The following SH3RF2 variants were observed in gnomAD, a reference collection of about 807,000 sequenced individuals.
The protein encoded by SH3RF2 is E3 ubiquitin-protein ligase SH3RF2.
A neutral mutation model predicts 59.0 loss-of-function variants in SH3RF2; 43 were observed. The observed-to-expected ratio is 0.73, with a 90% confidence interval of 0.57 to 0.94. The LOEUF (loss-of-function observed/expected upper bound fraction) is 0.94. Among genes scored for constraint, SH3RF2 ranks in the 40% least tolerant of loss-of-function variants. SH3RF2 has a pLI of 0.00. For missense variants in SH3RF2, 930 were observed against 940.1 expected, an observed-to-expected ratio of 0.99 and a Z score of 0.14; for synonymous variants, 391 against 391.5, an observed-to-expected ratio of 1.00 and a Z score of 0.01.
chr5:145,996,018 G>T (rs1580830646), intron 2 of SH3RF2, among the ~76,000 whole-genome samples: 1 of 152,236 alleles, frequency 6.6e-6, no homozygotes, highest in African/African-American at 2.4e-5. Context: ...TTGCTCATTT[G>T]TCCACCAGTT....
chr5:146,003,543 T>G (rs1424675211), intron 3 of SH3RF2, among the ~76,000 whole-genome samples: 1 of 152,230 alleles, frequency 6.6e-6, no homozygotes, highest in Non-Finnish European at 1.5e-5. Flanking sequence ...GGTAAAATAT[T>G]TTCCTTGTTT....
At chr5:146,034,368 G>A (rs1387816450) in intron 5 of SH3RF2, among the ~76,000 whole-genome samples, 1 of 152,152 alleles carries the variant, frequency 6.6e-6, no homozygotes, top group Admixed American at 6.5e-5. Flanking sequence ...TGGGACCTCG[G>A]GGCAGGGATG....
chr5:146,080,484 T>C (rs1363994957), exon 10 of SH3RF2: 2 of 152,208 alleles, frequency 1.3e-5, no homozygotes, highest in Admixed American at 1.3e-4. Context: ...TGGAATATTG[T>C]ATAAATAAAC....
intron 5 of SH3RF2, among the ~76,000 whole-genome samples, chr5:146,016,150 A>C (rs1211066278): frequency 2.0e-5 from 3 of 152,196 alleles, no homozygotes; most frequent in Admixed American, 6.5e-5. Flanking sequence ...CTTAGGGAAG[A>C]CTTGAGAAAG....
intron 8 of SH3RF2, 168 bp downstream of exon 8, chr5:146,056,381 C>G (rs1762673034): frequency 1.7e-6 from 2 of 1,197,854 alleles, no homozygotes; most frequent in Non-Finnish European, 2.3e-6. Flanking sequence ...TGAAGTCATA[C>G]CAACTCAAGG....
At chr5:146,007,620 T>G (rs1045628421) in intron 4 of SH3RF2, among the ~76,000 whole-genome samples, 1 of 152,162 alleles carries the variant, frequency 6.6e-6, no homozygotes, top group East Asian at 1.9e-4. Flanking sequence ...AAGGCACCAG[T>G]CATCTTATTA....
At chr5:146,049,037 C>A in intron 6 of SH3RF2, 38 bp from the exon 7 acceptor site, 1 of 1,612,716 alleles carries the variant, frequency 6.2e-7, no homozygotes, top group Non-Finnish European at 8.5e-7. Flanking sequence ...TCAGGCACGT[C>A]TTCCTTCCTC....
chr5:146,004,061 G>C lies in SH3RF2; in HGVS notation c.652G>C (p.Asp218His), dbSNP rs767712032. ...NQDCLTFLKDDIITVISRVDE... is the reference protein window; with the variant it reads ...NQDCLTFLKDHIITVISRVDE... ...ACCATGAGACTTTCTCTTTCAGGAC[G>C]ATATCATCACTGTGATCAGCCGAGT... Residue 218 changes from aspartate (D) to histidine (H), a missense_variant, in exon 4 of 10, where the codon GAT becomes CAT. Physicochemically the swap from Asp to His is moderately conservative, Grantham distance 81. Transcript: ENST00000359120. The C allele has an allele frequency of 1.9e-6, 3 of 1,611,504 alleles. No homozygotes were observed. The highest frequency in any genetic ancestry group is 2.5e-6 in the Non-Finnish European group (3 of 1,178,256).
At chr5:145,954,536 T>G (rs1214651994) in intron 2 of SH3RF2, among the ~76,000 whole-genome samples, 4 of 152,366 alleles carry the variant, frequency 2.6e-5, no homozygotes, top group African/African-American at 9.6e-5. Flanking sequence ...TCCTTTGCAG[T>G]GCAGAAGCTC....
chr5:145,997,987 T>A, intron 2 of SH3RF2: 2 of 754,440 alleles, frequency 2.7e-6, no homozygotes. Flanking sequence ...CCAGAACATA[T>A]AGACAAGTAT....
In SH3RF2 at chr5:145,997,326, C is replaced by T. The variant is rs923502336; in HGVS notation, c.379-2732C>T. On this transcript the variant is annotated intron_variant, in intron 2 of 9. Transcript: ENST00000359120. ...GCAGCTAGTGAAACCAGAGCAGCTC[C>T]CCGTATATACTGCACCACCGCTCCA... 3.6e-6 allele frequency: 4 copies of T among 1,118,326 alleles called. No individual in the cohort carries two copies. In the African/African-American group the frequency reaches 6.1e-5, roughly 17 times the overall value. The allele number at this position is 1,118,326 out of a possible 1,614,324, so 69.3% of individuals were successfully genotyped here.
Position 146,014,210 on chromosome 5 carries a change from G to T in SH3RF2, c.1059+149G>T, listed in dbSNP as rs1580861245. On this transcript the variant is annotated intron_variant, in intron 5 of 9. Coordinates refer to ENST00000359120, the MANE Select transcript of SH3RF2 (RefSeq NM_152550.4). Reference sequence around the variant, plus strand: ...GCCATATGTATTCCATGTTAGAATTGTATAAACCTTTTATTTCATCCTTGA... The same window carrying T: ...GCCATATGTATTCCATGTTAGAATTTTATAAACCTTTTATTTCATCCTTGA... The T allele has an allele frequency of 2.7e-5, 21 of 774,272 alleles. 1 individual carries two copies. The South Asian group carries it at 3.5e-4, about 13-fold the overall frequency. The allele number at this position is 774,272 out of a possible 1,614,324, so 48.0% of individuals were successfully genotyped here. A position where few individuals can be genotyped will look rare whatever the true frequency, so the allele number is the denominator to read the frequency against.
In SH3RF2 at chr5:146,043,404, T is replaced by TTC. The variant is rs1437407864; in HGVS notation, c.1060-4368_1060-4367insTC. Among the ~76,000 whole-genome samples, 935 of 152,248 alleles carry TTC rather than the reference T, an allele frequency of 6.1e-3. 11 individuals carry two copies. The highest frequency in any genetic ancestry group is 0.022 in the African/African-American group (895 of 41,516). ...CCCTAATTCCAGACCTCGAGCTGAG[T>TTC]CAAGCTAAGGCCTCTTGGATGTTTC... On this transcript the variant is annotated intron_variant, in intron 5 of 9. Transcript: ENST00000359120.
At chr5:145,977,649 G>A (rs1175694031) in intron 2 of SH3RF2, among the ~76,000 whole-genome samples, 2 of 152,162 alleles carry the variant, frequency 1.3e-5, no homozygotes, top group South Asian at 2.1e-4. Flanking sequence ...CATATGGCTG[G>A]TCCTATTACT....
At chr5:145,971,419 G>A (rs1759075496) in intron 2 of SH3RF2, among the ~76,000 whole-genome samples, 1 of 152,216 alleles carries the variant, frequency 6.6e-6, no homozygotes, top group African/African-American at 2.4e-5. Flanking sequence ...CTCCCTACCT[G>A]TGGGCATTTC....
chr5:145,951,282 G>C (rs1758184276), intron 2 of SH3RF2, among the ~76,000 whole-genome samples: 1 of 152,178 alleles, frequency 6.6e-6, no homozygotes, highest in Non-Finnish European at 1.5e-5. Flanking sequence ...ACACATTCTT[G>C]ACTGTCACTT....
chr5:146,073,269 C>T (rs1763273636), intron 9 of SH3RF2, among the ~76,000 whole-genome samples: 1 of 152,352 alleles, frequency 6.6e-6, no homozygotes, highest in Admixed American at 6.5e-5. Flanking sequence ...GCCTCACCAC[C>T]TCATCTGCTG....
At chr5:146,028,163 A>AAC (rs10586561) in intron 5 of SH3RF2, among the ~76,000 whole-genome samples, 8,458 of 142,026 alleles carry the variant, frequency 0.06, 278 homozygotes, top group South Asian at 0.069. Context: ...TGAGGCCTGC[A>AAC]ACACACACAC....
chr5:146,057,154 G>T (rs575322651), intron 8 of SH3RF2, among the ~76,000 whole-genome samples: 2 of 152,338 alleles, frequency 1.3e-5, no homozygotes, highest in African/African-American at 4.8e-5. Context: ...CAATAGGATT[G>T]GTCAATACAG....
Sources: allele counts gnomAD v4.1 joint callset (sites outside exome capture counted in the v4.1 genomes callset), GRCh38; gene constraint gnomAD v4.1.1; transcripts MANE v1.5; gene names NCBI Gene and HGNC (gene_info 2026-07-23, HGNC 2026-07-21).